The following NTNG1 variants were observed in gnomAD, a reference collection of about 807,000 sequenced individuals.
NTNG1 encodes the protein netrin-G1.
NTNG1 carries 16 observed loss-of-function variants against 54.0 expected under a neutral mutation model. The observed-to-expected ratio is 0.30, with a 90% CI of 0.20 to 0.45. The LOEUF is 0.45. Ranked by LOEUF, NTNG1 falls within the 20% of genes least tolerant of loss-of-function variation. NTNG1 has a pLI of 1.00. For missense variants in NTNG1, 530 were observed against 678.7 expected (o/e 0.78, Z 2.43); for synonymous variants, 255 against 263.1 (o/e 0.97, Z 0.30).
intron 7 of NTNG1, among the ~76,000 whole-genome samples, chr1:107,454,778 C>T (rs1676834940): frequency 6.6e-6 from 1 of 152,212 alleles, no homozygotes; most frequent in African/African-American, 2.4e-5. Context: ...ATCATTTTAT[C>T]TGATCTTTGC....
chr1:107,421,224 G>A (rs1228515402), intron 5 of NTNG1: 1 of 983,114 alleles, frequency 1.0e-6, no homozygotes, highest in Non-Finnish European at 1.6e-6. Flanking sequence ...TGGAATATCT[G>A]TGAAGTGTAC....
At chr1:107,465,164 TGA>T (rs1677522301) in intron 7 of NTNG1, among the ~76,000 whole-genome samples, 1 of 152,152 alleles carries the variant, frequency 6.6e-6, no homozygotes, top group Non-Finnish European at 1.5e-5. Context: ...AATCCTTCCA[TGA>T]CCTTAGAAAT....
chr1:107,149,941 T>C (rs1299230078), intron 2 of NTNG1, among the ~76,000 whole-genome samples: 1 of 152,200 alleles, frequency 6.6e-6, no homozygotes, highest in Admixed American at 6.6e-5. Context: ...GTAGCATCTG[T>C]TCACAGTCCC....
At chr1:107,264,962 C>T (rs1371180517) in intron 2 of NTNG1, among the ~76,000 whole-genome samples, 1 of 152,228 alleles carries the variant, frequency 6.6e-6, no homozygotes, top group Non-Finnish European at 1.5e-5. Context: ...TGGCCTCTCT[C>T]ACCTGCTGTT....
chr1:107,359,011 C>G (rs1670107049), intron 3 of NTNG1, among the ~76,000 whole-genome samples: 1 of 152,164 alleles, frequency 6.6e-6, no homozygotes, highest in African/African-American at 2.4e-5. Flanking sequence ...ATGCGGACGT[C>G]TCTATCACCA....
At chr1:107,475,770 T>G (rs1280985757) in intron 7 of NTNG1, among the ~76,000 whole-genome samples, 3 of 152,186 alleles carry the variant, frequency 2.0e-5, no homozygotes, top group Non-Finnish European at 4.4e-5. Flanking sequence ...AGTAATTCTT[T>G]GTTGTGGGGG....
In NTNG1 at chr1:107,484,774, A is replaced by C. The variant is rs1678931912; in HGVS notation, c.*3934A>C. On this transcript the variant is annotated 3_prime_UTR_variant, in exon 8 of 8. Transcript: ENST00000370068. ...TCCATCTCCTTCACCCTCTACCATC[A>C]ATAATCCAGTATGATTGGGATGTAA... is the stretch of plus-strand genomic sequence containing the variant. Among the ~76,000 whole-genome samples, 1 of 152,212 alleles carries C rather than the reference A, an allele frequency of 6.6e-6. No homozygotes were observed. Among genetic ancestry groups the C allele is most frequent in the African/African-American group, 2.4e-5 (1 of 41,456 alleles).
chr1:107,473,957 A>C (rs887979612), intron 7 of NTNG1, among the ~76,000 whole-genome samples: 9 of 152,240 alleles, frequency 5.9e-5, no homozygotes, highest in African/African-American at 2.2e-4. Context: ...CATTCCTAAT[A>C]TCAAAACATC....
intron 7 of NTNG1, among the ~76,000 whole-genome samples, chr1:107,437,161 T>A (rs1036163822): frequency 2.6e-5 from 4 of 152,200 alleles, no homozygotes; most frequent in African/African-American, 9.6e-5. Flanking sequence ...GAACTGAAAG[T>A]TACCCTAGAG....
intron 2 of NTNG1, among the ~76,000 whole-genome samples, chr1:107,168,981 G>GT (rs1212956463): frequency 6.6e-6 from 1 of 152,092 alleles, no homozygotes; most frequent in Non-Finnish European, 1.5e-5. Context: ...CATATTTAAT[G>GT]TATAGTTAAA....
Position 107,324,457 on chromosome 1 carries a change from C to G in NTNG1, c.422C>G (p.Thr141Ser). ...AACATCACTCTGTCTTGGAGCAAAA[C>G]CATTGAGCTAACAGACAACATAGTT... ...QVNITLSWSK[T>S]IELTDNIVIT... Residue 141 changes from threonine to serine, a missense_variant, in exon 3 of 8, where the codon ACC (threonine) becomes AGC (serine). Coordinates refer to ENST00000370068, the MANE Select transcript of NTNG1 (RefSeq NM_001113226.3). The G allele has an allele frequency of 6.2e-7, 1 of 1,613,812 alleles. No homozygotes were observed. The highest frequency in any genetic ancestry group is 8.5e-7 in the Non-Finnish European group (1 of 1,179,846).
chr1:107,244,801 C>A (rs1662082792), intron 2 of NTNG1, among the ~76,000 whole-genome samples: 1 of 152,152 alleles, frequency 6.6e-6, no homozygotes, highest in Admixed American at 6.5e-5. Context: ...AACAGCAGGA[C>A]CTTGACTGTG....
intron 5 of NTNG1, among the ~76,000 whole-genome samples, chr1:107,414,057 A>G (rs1557979827): frequency 6.6e-6 from 1 of 152,196 alleles, no homozygotes; most frequent in Non-Finnish European, 1.5e-5. Context: ...TTAATATTCT[A>G]AAGCAACTCT....
At chr1:107,463,380 A>G (rs1405498470) in intron 7 of NTNG1, among the ~76,000 whole-genome samples, 5 of 152,106 alleles carry the variant, frequency 3.3e-5, no homozygotes, top group Non-Finnish European at 7.4e-5. Flanking sequence ...TGTAAACTCA[A>G]TCTGTATCAT....
chr1:107,267,533 G>A (rs770579467), intron 2 of NTNG1, among the ~76,000 whole-genome samples: 6 of 152,076 alleles, frequency 3.9e-5, no homozygotes, highest in Admixed American at 6.5e-5. Context: ...CACTACCAAC[G>A]TCTATCAATT....
At chr1:107,209,819 G>A (rs941247179) in intron 2 of NTNG1, among the ~76,000 whole-genome samples, 1 of 152,162 alleles carries the variant, frequency 6.6e-6, no homozygotes, top group Non-Finnish European at 1.5e-5. Context: ...AAGAGACCTG[G>A]CAACAGGTGT....
rs554938738 is a variant in NTNG1 at position 107,393,884 on chromosome 1, C to CT, written c.888-1265dup. Among the ~76,000 whole-genome samples the CT allele has an allele frequency of 1.6e-4, 25 of 152,152 alleles. No individual in the cohort carries two copies. The East Asian group carries it at 4.8e-3, about 29-fold the overall frequency. ...CCTACCTAAGAAAGAGCATTCTGTT[C>CT]TTTTTCCCATTCATGGCATTTGGCC... On this transcript the variant is annotated intron_variant, in intron 3 of 7. Coordinates refer to ENST00000370068, the MANE Select transcript of NTNG1 (RefSeq NM_001113226.3).
At position 107,148,479 on chromosome 1, in the gene NTNG1, C is replaced by A; in HGVS notation, c.-115C>A. On this transcript the variant is annotated 5_prime_UTR_variant, in exon 2 of 8. Coordinates refer to ENST00000370068, the MANE Select transcript of NTNG1 (RefSeq NM_001113226.3). The stretch of plus-strand genomic sequence containing the variant: ...TTCATTTAAAAAAAAATACAGAGAC[C>A]TACCTACCCGTACGCATACATACAT... The A allele has an allele frequency of 1.0e-6, 1 of 962,438 alleles. No individual in the cohort carries two copies. Among genetic ancestry groups the A allele is most frequent in the Admixed American group, 2.3e-5 (1 of 43,324 alleles). 59.6% of individuals were successfully genotyped at this position (962,438 alleles called of 1,614,324 possible). A position where few individuals can be genotyped will look rare whatever the true frequency, so the allele number is the denominator to read the frequency against.
intron 2 of NTNG1, among the ~76,000 whole-genome samples, chr1:107,184,992 C>T (rs1055588743): frequency 5.9e-5 from 9 of 152,084 alleles, no homozygotes; most frequent in African/African-American, 2.2e-4. Flanking sequence ...GTTGAGGTGT[C>T]TCCTCACGTG....
Sources: allele counts gnomAD v4.1 joint callset (sites outside exome capture counted in the v4.1 genomes callset), GRCh38; gene constraint gnomAD v4.1.1; transcripts MANE v1.5; gene names NCBI Gene and HGNC (gene_info 2026-07-23, HGNC 2026-07-21).